SYT1: variants seen among roughly 807,000 people sequenced by gnomAD.
The protein encoded by SYT1 is synaptotagmin-1.
A neutral mutation model predicts 44.8 loss-of-function variants in SYT1; 8 were observed. The ratio of observed to expected loss-of-function variants is 0.18; its 90% CI spans 0.10 to 0.32. The LOEUF (loss-of-function observed/expected upper bound fraction) is 0.32, where lower values mean the gene tolerates loss of function less well. Ranked by LOEUF, SYT1 falls within the 10% of genes least tolerant of loss-of-function variation. The pLI is 1.00. For synonymous variants in SYT1, 154 were observed against 188.8 expected, an observed-to-expected ratio of 0.82 and a Z score of 1.51; for missense variants, 286 against 509.3, an observed-to-expected ratio of 0.56 and a Z score of 4.22.
At chr12:79,271,906 A>G (rs1487450789) in intron 4 of SYT1, among the ~76,000 whole-genome samples, 1 of 152,180 alleles carries the variant, frequency 6.6e-6, no homozygotes, top group Non-Finnish European at 1.5e-5. Flanking sequence ...ATACATTTGC[A>G]CACATTTATC....
At chr12:79,065,667 C>T (rs1007494564) in intron 3 of SYT1, among the ~76,000 whole-genome samples, 1 of 151,864 alleles carries the variant, frequency 6.6e-6, no homozygotes, top group Non-Finnish European at 1.5e-5. Context: ...TATCTTGAAA[C>T]CCATCATAAT....
intron 3 of SYT1, among the ~76,000 whole-genome samples, chr12:79,111,274 G>A (rs1343143544): frequency 6.6e-6 from 1 of 151,954 alleles, no homozygotes; most frequent in Non-Finnish European, 1.5e-5. Flanking sequence ...TTAATACTAT[G>A]CACACACCAC....
chr12:79,360,326 C>A (rs558080603), intron 9 of SYT1, among the ~76,000 whole-genome samples: 3 of 152,166 alleles, frequency 2.0e-5, no homozygotes, highest in Admixed American at 2.0e-4. Flanking sequence ...GCCCACATGT[C>A]TAAATTATTA....
intron 4 of SYT1, among the ~76,000 whole-genome samples, chr12:79,221,641 G>A (rs1875168489): frequency 6.6e-6 from 1 of 151,998 alleles, no homozygotes; most frequent in African/African-American, 2.4e-5. Flanking sequence ...GTTATTTTAA[G>A]CTGAAAACAA....
chr12:79,041,590 T>G (rs1345116398), intron 2 of SYT1, among the ~76,000 whole-genome samples: 1 of 152,200 alleles, frequency 6.6e-6, no homozygotes, highest in Non-Finnish European at 1.5e-5. Flanking sequence ...TTTGACTTCT[T>G]ATTTTCCTAA....
intron 2 of SYT1, among the ~76,000 whole-genome samples, chr12:79,035,155 G>A (rs867466172): frequency 6.6e-6 from 1 of 151,550 alleles, no homozygotes; most frequent in African/African-American, 2.4e-5. Flanking sequence ...AAAATCTCAC[G>A]CCGAACCCCA....
At chr12:79,431,063 T>C (rs1437940863) in intron 9 of SYT1, among the ~76,000 whole-genome samples, 2 of 152,238 alleles carry the variant, frequency 1.3e-5, no homozygotes, top group African/African-American at 2.4e-5. Flanking sequence ...ATTTAAGTTG[T>C]CTTACATCCG....
intron 2 of SYT1, among the ~76,000 whole-genome samples, chr12:79,013,143 A>G (rs748791550): frequency 6.6e-6 from 1 of 152,136 alleles, no homozygotes; most frequent in East Asian, 1.9e-4. Context: ...TATCTTGTAG[A>G]GTGCACTTCT....
In SYT1 at chr12:79,076,753, G is replaced by A. The variant is rs138736738; in HGVS notation, c.-18+29391G>A. 2.0e-3 allele frequency among the ~76,000 whole-genome samples: 311 copies of A among 152,196 alleles called. 4 individuals are homozygous for A. The highest frequency in any genetic ancestry group is 0.017 in the Middle Eastern group (5 of 294). On this transcript the variant is annotated intron_variant, in intron 3 of 10. Transcript: ENST00000261205. ...GTTTTTGGGAGGATTTTGGGATCAC[G>A]AGGTCAGGAGATCGAGGCCATCCTG... is the stretch of plus-strand genomic sequence containing the variant.
intron 8 of SYT1, among the ~76,000 whole-genome samples, chr12:79,330,411 T>C (rs1285403895): frequency 6.6e-6 from 1 of 152,210 alleles, no homozygotes; most frequent in African/African-American, 2.4e-5. Context: ...TACTCCTAAA[T>C]AATGATCCAG....
At chr12:79,419,179 G>A (rs1223553480) in intron 9 of SYT1, 3 of 456,374 alleles carry the variant, frequency 6.6e-6, no homozygotes, top group Non-Finnish European at 1.3e-5. Flanking sequence ...GATTCTATAA[G>A]AATTTTTAAA....
rs369020728 is a variant in SYT1, at chr12:79,056,648, C to G, written c.-18+9286C>G. 9.2e-5 allele frequency among the ~76,000 whole-genome samples: 14 copies of G among 152,156 alleles called. 1 individual carries two copies. Among genetic ancestry groups the G allele is most frequent in the Admixed American group, 4.6e-4 (7 of 15,260 alleles). On this transcript the variant is annotated intron_variant, in intron 3 of 10. Transcript: ENST00000261205. Reference sequence around the variant, plus strand: ...CAGATGTCCAGAAATAAATTACATCCCACACATTGTTATTACATGCACCAT... The same window carrying G: ...CAGATGTCCAGAAATAAATTACATCGCACACATTGTTATTACATGCACCAT...
At chr12:79,386,872 G>C (rs939108222) in intron 9 of SYT1, among the ~76,000 whole-genome samples, 1 of 151,936 alleles carries the variant, frequency 6.6e-6, no homozygotes, top group Non-Finnish European at 1.5e-5. Flanking sequence ...ACTTCTCTAC[G>C]GGTGTGCACT....
At chr12:79,422,683 T>G (rs896455182) in intron 9 of SYT1, among the ~76,000 whole-genome samples, 4 of 152,060 alleles carry the variant, frequency 2.6e-5, no homozygotes, top group East Asian at 1.9e-4. Flanking sequence ...GTGCTCTCTC[T>G]CTCTCTCTCT....
intron 2 of SYT1, among the ~76,000 whole-genome samples, chr12:78,994,897 T>A (rs1870270276): frequency 6.6e-6 from 1 of 152,120 alleles, no homozygotes; most frequent in South Asian, 2.1e-4. Flanking sequence ...TTTCTGTTTT[T>A]TGTTTTTTTT....
intron 4 of SYT1, among the ~76,000 whole-genome samples, chr12:79,273,567 CT>C (rs1262940859): frequency 1.3e-5 from 2 of 152,174 alleles, no homozygotes; most frequent in Non-Finnish European, 2.9e-5. Context: ...CTCATTTCCA[CT>C]GCAGAGCCTG....
chr12:78,942,655 C>A (rs1161880274), intron 1 of SYT1, among the ~76,000 whole-genome samples: 1 of 152,188 alleles, frequency 6.6e-6, no homozygotes, highest in Non-Finnish European at 1.5e-5. Flanking sequence ...GAAGGTAGTA[C>A]CAGCTTACTG....
chr12:79,337,763 C>T (rs1206784903), intron 8 of SYT1, among the ~76,000 whole-genome samples: 1 of 152,208 alleles, frequency 6.6e-6, no homozygotes, highest in Non-Finnish European at 1.5e-5. Flanking sequence ...TTTAAAATGC[C>T]TCCTTTCTAA....
intron 4 of SYT1, among the ~76,000 whole-genome samples, chr12:79,231,894 AG>A (rs1875889746): frequency 6.6e-6 from 1 of 152,184 alleles, no homozygotes; most frequent in African/African-American, 2.4e-5. Context: ...AATCACTCAC[AG>A]ATTCTTAGCC....
Sources: gnomAD v4.1 joint callset for allele counts (sites outside exome capture counted in the v4.1 genomes callset) on GRCh38, gnomAD v4.1.1 for gene constraint, MANE v1.5 for transcripts, NCBI Gene and HGNC (gene_info 2026-07-23, HGNC 2026-07-21) for gene names.